Variants in CNTNAP2 observed in about 807,000 individuals in gnomAD.
The protein encoded by CNTNAP2 is contactin associated protein 2, also known as contactin-associated protein-like 2.
Under a neutral mutation model 155.2 loss-of-function variants are expected in CNTNAP2, and 98 were observed. The observed-to-expected ratio is 0.63, with a 90% confidence interval of 0.54 to 0.75. The LOEUF is 0.75. CNTNAP2 is among the 30% of genes least tolerant of loss of function. The probability of loss-of-function intolerance (pLI) is 0.00; values close to 1 mark genes in which losing one functional copy is unlikely to be tolerated. For synonymous variants in CNTNAP2, 651 were observed against 631.2 expected, an observed-to-expected ratio of 1.03 and a Z score of -0.47; for missense variants, 1,727 against 1,688.1, an observed-to-expected ratio of 1.02 and a Z score of -0.40.
At chr7:146,585,304 T>C (rs1375822269) in intron 1 of CNTNAP2, among the ~76,000 whole-genome samples, 1 of 151,952 alleles carries the variant, frequency 6.6e-6, no homozygotes, top group African/African-American at 2.4e-5. Flanking sequence ...GTATTTTTAG[T>C]AGAGACCAGG....
chr7:147,105,667 C>T (rs1386067281), intron 4 of CNTNAP2, among the ~76,000 whole-genome samples: 2 of 152,006 alleles, frequency 1.3e-5, no homozygotes, highest in Non-Finnish European at 2.9e-5. Flanking sequence ...TTCAAGCCAG[C>T]TCTGAGCTTA....
chr7:146,964,638 G>A (rs1416171550), intron 3 of CNTNAP2, among the ~76,000 whole-genome samples: 1 of 152,214 alleles, frequency 6.6e-6, no homozygotes, highest in Admixed American at 6.5e-5. Context: ...TGTAGAAATA[G>A]TTTGGGGCAA....
intron 1 of CNTNAP2, among the ~76,000 whole-genome samples, chr7:146,707,916 T>A (rs768060522): frequency 1.5e-4 from 23 of 152,090 alleles, no homozygotes; most frequent in Non-Finnish European, 1.5e-4. Flanking sequence ...CACTTTTTTT[T>A]AATGCATGGA....
chr7:146,606,839 G>A (rs1288825546), intron 1 of CNTNAP2, among the ~76,000 whole-genome samples: 3 of 152,172 alleles, frequency 2.0e-5, no homozygotes, highest in African/African-American at 7.2e-5. Flanking sequence ...TGAATAAGCA[G>A]TCGGTGAGTG....
At chr7:147,234,334 CTTT>C (rs1225048153) in intron 8 of CNTNAP2, among the ~76,000 whole-genome samples, 26 of 107,548 alleles carry the variant, frequency 2.4e-4, no homozygotes, top group African/African-American at 7.3e-4. Context: ...CAAGAGTATT[CTTT>C]TTTTTTTTTT....
At chr7:148,328,216 T>C (rs1797924439) in intron 21 of CNTNAP2, among the ~76,000 whole-genome samples, 1 of 152,030 alleles carries the variant, frequency 6.6e-6, no homozygotes, top group Non-Finnish European at 1.5e-5. Context: ...GGGAAAGCTT[T>C]CAGGTGGAGA....
At chr7:147,919,950 G>C (rs1307349314) in intron 14 of CNTNAP2, among the ~76,000 whole-genome samples, 2 of 151,954 alleles carry the variant, frequency 1.3e-5, no homozygotes, top group Admixed American at 1.3e-4. Context: ...AAAAAATTAA[G>C]TTTCCTTCCT....
At chr7:147,640,644 A>AC (rs1481480400) in intron 13 of CNTNAP2, among the ~76,000 whole-genome samples, 1 of 152,186 alleles carries the variant, frequency 6.6e-6, no homozygotes, top group African/African-American at 2.4e-5. Context: ...GACTGAAGGA[A>AC]CACCAAGGTT....
chr7:146,661,101 G>A (rs1307237797), intron 1 of CNTNAP2, among the ~76,000 whole-genome samples: 2 of 152,128 alleles, frequency 1.3e-5, no homozygotes, highest in Non-Finnish European at 2.9e-5. Context: ...GAGGCATTAA[G>A]CATCATTCCA....
chr7:147,265,763 A>G lies in CNTNAP2; in HGVS notation c.1349-34378A>G, dbSNP rs947242255. ...CTTATCCAGGAGCATTCCTACTGGC[A>G]TCCGGTCGGTGCCCCTTGAGGACAG... On this transcript the variant is annotated intron_variant, in intron 8 of 23. Coordinates refer to ENST00000361727, the MANE Select transcript of CNTNAP2 (RefSeq NM_014141.6). 4.2e-4 allele frequency among the ~76,000 whole-genome samples: 64 copies of G among 152,100 alleles called. 1 individual carries two copies. Among genetic ancestry groups the G allele is most frequent in the African/African-American group, 1.4e-3 (60 of 41,416 alleles).
intron 12 of CNTNAP2, among the ~76,000 whole-genome samples, chr7:147,604,880 C>T (rs1281128558): frequency 1.3e-5 from 2 of 152,198 alleles, no homozygotes; most frequent in African/African-American, 2.4e-5. Flanking sequence ...CAGATCTGCT[C>T]ACTGCACATA....
At chr7:147,852,695 G>A (rs1460265547) in intron 13 of CNTNAP2, among the ~76,000 whole-genome samples, 5 of 152,026 alleles carry the variant, frequency 3.3e-5, no homozygotes, top group Admixed American at 6.6e-5. Flanking sequence ...GTCATCTCAC[G>A]GCTGACACCT....
rs533938108 is a variant in CNTNAP2 at position 148,365,462 on chromosome 7, C to T, written c.3476-18187C>T. Among the ~76,000 whole-genome samples the T allele has an allele frequency of 1.1e-4, 17 of 152,154 alleles. No individual in the cohort carries two copies. The South Asian group carries it at 1.9e-3, about 17-fold the overall frequency. On this transcript the variant is annotated intron_variant, in intron 21 of 23. Transcript: ENST00000361727. ...GGCAGACTCCCTGAGGTCAGCAGTT[C>T]GAGACCAGCTTGGCCAACATGATGA...
chr7:147,715,907 T>C (rs761466882), intron 13 of CNTNAP2, among the ~76,000 whole-genome samples: 9 of 152,228 alleles, frequency 5.9e-5, no homozygotes, highest in South Asian at 2.1e-4. Flanking sequence ...TTCATTTTTA[T>C]TTAGCTAGTT....
chr7:147,449,204 A>G (rs1797791187), intron 10 of CNTNAP2, among the ~76,000 whole-genome samples: 1 of 152,238 alleles, frequency 6.6e-6, no homozygotes, highest in Non-Finnish European at 1.5e-5. Context: ...AAATCTTAGC[A>G]AAGTGCAAAA....
chr7:146,867,413 A>G (rs1003566770), intron 3 of CNTNAP2, among the ~76,000 whole-genome samples: 7 of 151,908 alleles, frequency 4.6e-5, no homozygotes, highest in Admixed American at 3.3e-4. Flanking sequence ...TCTTTATCCA[A>G]TTTGTCATTG....
chr7:148,299,254 T>A (rs1797338860), intron 21 of CNTNAP2, among the ~76,000 whole-genome samples: 1 of 152,324 alleles, frequency 6.6e-6, no homozygotes, highest in African/African-American at 2.4e-5. Flanking sequence ...CCTCCCAAAA[T>A]GCTGGTATTA....
rs184040785 is a variant in CNTNAP2, at chr7:147,704,723, T to C, written c.2098+65417T>C. 7.9e-5 allele frequency: 12 copies of C among 151,822 alleles called. No homozygotes were observed. In the East Asian group the frequency reaches 2.3e-3, roughly 29 times the overall value. The allele number at this position is 151,822 out of a possible 1,614,324, so 9.4% of individuals were successfully genotyped here. On this transcript the variant is annotated intron_variant, in intron 13 of 23. Coordinates refer to ENST00000361727, the MANE Select transcript of CNTNAP2 (RefSeq NM_014141.6). ...CCATTCAGTTTTGGACTTTGCTCTGTTGGGAGACTTTTTTTACTGATTCAA... is the reference window on the plus strand; with the variant it reads ...CCATTCAGTTTTGGACTTTGCTCTGCTGGGAGACTTTTTTTACTGATTCAA...
intron 2 of CNTNAP2, among the ~76,000 whole-genome samples, chr7:146,817,420 C>T (rs10231720): frequency 1.3e-5 from 2 of 151,176 alleles, no homozygotes; most frequent in South Asian, 2.1e-4. Flanking sequence ...TGCAGTGAGC[C>T]GAGATCGTGC....
Sources: allele counts gnomAD v4.1 joint callset (sites outside exome capture counted in the v4.1 genomes callset), GRCh38; gene constraint gnomAD v4.1.1; transcripts MANE v1.5; gene names NCBI Gene and HGNC (gene_info 2026-07-23, HGNC 2026-07-21).